ZFYVE28: variants seen among roughly 807,000 people sequenced by gnomAD.
ZFYVE28 encodes the protein lateral signaling target protein 2 homolog.
A neutral mutation model predicts 82.1 loss-of-function variants in ZFYVE28; 40 were observed. The observed-to-expected ratio is 0.49, with a 90% CI of 0.38 to 0.63. The LOEUF (loss-of-function observed/expected upper bound fraction) is 0.63. Ranked by LOEUF, ZFYVE28 falls within the 30% of genes least tolerant of loss-of-function variation. ZFYVE28 has a pLI of 0.00. For missense variants in ZFYVE28, 1,321 were observed against 1,242.1 expected, an observed-to-expected ratio of 1.06 and a Z score of -0.96; for synonymous variants, 612 against 546.1, an observed-to-expected ratio of 1.12 and a Z score of -1.68.
intron 8 of ZFYVE28, among the ~76,000 whole-genome samples, chr4:2,275,413 T>G (rs1736328801): frequency 1.3e-5 from 2 of 152,242 alleles, no homozygotes; most frequent in Admixed American, 1.3e-4. Flanking sequence ...AACTCGTTCT[T>G]CTAATTTTAC....
intron 10 of ZFYVE28, among the ~76,000 whole-genome samples, chr4:2,272,139 C>G (rs1199267182): frequency 3.3e-5 from 5 of 152,250 alleles, no homozygotes; most frequent in Non-Finnish European, 4.4e-5. Flanking sequence ...ATCATGATTT[C>G]CAGAAGGCAG....
rs1192776264 is a variant in ZFYVE28, at chr4:2,274,333, GTGTATCTGTTGCCCAGA to G, written c.2052-134_2052-118del. 2.3e-6 allele frequency: 3 copies of G among 1,313,176 alleles called. No individual in the cohort carries two copies. The African/African-American group carries it at 4.5e-5, about 20-fold the overall frequency. 81.3% of individuals were successfully genotyped at this position (1,313,176 alleles called of 1,614,324 possible). The stretch of plus-strand genomic sequence containing the variant: ...CCTCGCAGACGCTCACCCCACAGGC[GTGTATCTGTTGCCCAGA>G]TACACAACTTTCCTGTAACTTCACC... On this transcript the variant is annotated intron_variant, in intron 8 of 12. Coordinates refer to ENST00000290974, the MANE Select transcript of ZFYVE28 (RefSeq NM_020972.3).
chr4:2,344,826 G>A (rs1398392292), intron 2 of ZFYVE28, among the ~76,000 whole-genome samples: 2 of 152,048 alleles, frequency 1.3e-5, no homozygotes, highest in African/African-American at 2.4e-5. Context: ...AACCTGGGAG[G>A]TGGAGATTGC....
intron 8 of ZFYVE28, among the ~76,000 whole-genome samples, chr4:2,274,809 A>G (rs1260909222): frequency 2.0e-5 from 3 of 149,352 alleles, no homozygotes; most frequent in Non-Finnish European, 2.9e-5. Context: ...CCATGTGACC[A>G]CGGAGGCTGA....
rs113929105 is a variant in ZFYVE28 at position 2,320,312 on chromosome 4, G to GC, written c.702-42dup. 500,437 of 1,590,112 alleles carry GC rather than the reference G, an allele frequency of 0.31. 81,555 individuals are homozygous for GC. Among genetic ancestry groups the GC allele is most frequent in the Middle Eastern group, 0.33 (1,982 of 5,990 alleles). ...AAAAGCCAGGATGTCAGGCCCTGTG[G>GC]CCCCCTGGGTGCCGCGGACGGCCCA... On this transcript the variant is annotated intron_variant, in intron 6 of 12. Coordinates refer to ENST00000290974, the MANE Select transcript of ZFYVE28 (RefSeq NM_020972.3). This position sits in a 1 kb window ranked among gnomAD's most constrained non-coding sequence, Gnocchi z 5.1.
chr4:2,395,817 A>G (rs1479012647), intron 1 of ZFYVE28, among the ~76,000 whole-genome samples: 1 of 152,184 alleles, frequency 6.6e-6, no homozygotes, highest in African/African-American at 2.4e-5. Flanking sequence ...GGAGGCTCAC[A>G]GGAGGCGGCG....
intron 6 of ZFYVE28, among the ~76,000 whole-genome samples, chr4:2,325,600 T>A (rs1415714546): frequency 6.6e-6 from 1 of 150,762 alleles, no homozygotes; most frequent in Non-Finnish European, 1.5e-5. Context: ...TACTTTTTTT[T>A]TTTTTTTTTT....
At chr4:2,363,398 G>C (rs1325400117) in intron 1 of ZFYVE28, among the ~76,000 whole-genome samples, 1 of 152,124 alleles carries the variant, frequency 6.6e-6, no homozygotes. Context: ...GTAACAGCTT[G>C]AGTTAGGGAG....
rs1388094469 is a variant in ZFYVE28 at position 2,394,734 on chromosome 4, C to T, written c.39+23551G>A. ...CAGGCACCACTCTGCGCAGCTGCATCGATGCCTGACTGCACGTGTGCGTGC... is the reference window on the plus strand; with the variant it reads ...CAGGCACCACTCTGCGCAGCTGCATTGATGCCTGACTGCACGTGTGCGTGC... On this transcript the variant is annotated intron_variant, in intron 1 of 12. Coordinates refer to ENST00000290974, the MANE Select transcript of ZFYVE28 (RefSeq NM_020972.3). This position sits in a 1 kb window ranked among gnomAD's most constrained non-coding sequence, Gnocchi z 4.0. Among the ~76,000 whole-genome samples, 5 of 152,254 alleles carry T rather than the reference C, an allele frequency of 3.3e-5. No individual in the cohort carries two copies. The highest frequency in any genetic ancestry group is 2.1e-4 in the South Asian group (1 of 4,834).
chr4:2,398,226 G>A (rs1730699290), intron 1 of ZFYVE28, among the ~76,000 whole-genome samples: 1 of 152,194 alleles, frequency 6.6e-6, no homozygotes, highest in South Asian at 2.1e-4. Flanking sequence ...CAGTGCCCGT[G>A]CCAGGGTGCA....
intron 1 of ZFYVE28, among the ~76,000 whole-genome samples, chr4:2,397,611 A>C (rs1730620165): frequency 6.6e-6 from 1 of 152,002 alleles, no homozygotes; most frequent in Admixed American, 6.6e-5. Flanking sequence ...CCCCCACCAG[A>C]CTACTTTCCA....
At chr4:2,395,774 C>T (rs968317185) in intron 1 of ZFYVE28, among the ~76,000 whole-genome samples, 1 of 152,158 alleles carries the variant, frequency 6.6e-6, no homozygotes, top group Non-Finnish European at 1.5e-5. Context: ...GGTGCTACCA[C>T]CACACCCAGA....
chr4:2,298,538 G>A (rs753147741), intron 8 of ZFYVE28, among the ~76,000 whole-genome samples: 6 of 152,184 alleles, frequency 3.9e-5, no homozygotes, highest in Non-Finnish European at 5.9e-5. Flanking sequence ...GCACACAGGC[G>A]GGGCATGTGC....
chr4:2,323,300 C>T (rs760788877), intron 6 of ZFYVE28, among the ~76,000 whole-genome samples: 2 of 152,158 alleles, frequency 1.3e-5, no homozygotes, highest in Non-Finnish European at 2.9e-5. Context: ...TAGTAACCAA[C>T]GATGTGGAGC....
chr4:2,365,029 G>A (rs951191525), intron 1 of ZFYVE28, among the ~76,000 whole-genome samples: 2 of 152,090 alleles, frequency 1.3e-5, no homozygotes, highest in African/African-American at 4.8e-5. Context: ...CGGAAGTGGG[G>A]GAGGGAGGTG....
intron 1 of ZFYVE28, among the ~76,000 whole-genome samples, chr4:2,369,029 C>T (rs374039203): frequency 4.6e-5 from 7 of 152,188 alleles, no homozygotes; most frequent in East Asian, 1.9e-4. Context: ...GTGAAGTGGC[C>T]GCTCACTGTG....
Position 2,335,670 on chromosome 4 carries a change from T to C in ZFYVE28, c.701+35A>G. 1 of 1,549,566 alleles carries C rather than the reference T, an allele frequency of 6.5e-7. No homozygotes were observed. Among genetic ancestry groups the C allele is most frequent in the South Asian group, 1.2e-5 (1 of 84,218 alleles). ...CCATCAGCCCTGCCCGTCCCGCAGG[T>C]TTCTGCAGAGGTCCTGGGCACAGGA... On this transcript the variant is annotated intron_variant, in intron 6 of 12. Coordinates refer to ENST00000290974, the MANE Select transcript of ZFYVE28 (RefSeq NM_020972.3). This position sits in a 1 kb window ranked among gnomAD's most constrained non-coding sequence, Gnocchi z 5.8.
intron 1 of ZFYVE28, among the ~76,000 whole-genome samples, chr4:2,399,778 G>T (rs750839633): frequency 1.3e-5 from 2 of 152,228 alleles, no homozygotes. Context: ...TTGGAGCAGA[G>T]CTCGGAGCAG....
At chr4:2,343,174 G>C (rs573537143) in intron 2 of ZFYVE28, 2 of 152,226 alleles carry the variant, frequency 1.3e-5, no homozygotes, top group African/African-American at 4.8e-5. Context: ...TGCTCCGAGT[G>C]TGGATTACTT....
Sources: gnomAD v4.1 joint callset for allele counts (sites outside exome capture counted in the v4.1 genomes callset) on GRCh38, gnomAD v4.1.1 for gene constraint, Gnocchi (gnomAD v3.1) non-coding constraint, MANE v1.5 for transcripts, NCBI Gene and HGNC (gene_info 2026-07-23, HGNC 2026-07-21) for gene names.